The following LDB2 variants were observed in gnomAD, a reference collection of about 807,000 sequenced individuals.
LDB2 encodes LIM domain binding 2, also known as LIM domain-binding protein 2.
In LDB2, 12 loss-of-function variants were observed where a neutral mutation model predicts 44.3. That is an observed-to-expected ratio of 0.27 (90% CI 0.17 to 0.44). LDB2 has a LOEUF of 0.44. Ranked by LOEUF, LDB2 falls within the 20% of genes least tolerant of loss-of-function variation. The pLI is 1.00. For missense variants in LDB2, 344 were observed against 473.5 expected, an observed-to-expected ratio of 0.73 and a Z score of 2.54; for synonymous variants, 164 against 174.8, an observed-to-expected ratio of 0.94 and a Z score of 0.49.
Position 16,812,631 on chromosome 4 carries a change from A to ATGTGTGTGTGTGTG in LDB2, c.133-53385_133-53372dup, listed in dbSNP as rs5856389. On this transcript the variant is annotated intron_variant, in intron 1 of 7. Coordinates refer to ENST00000304523, the MANE Select transcript of LDB2 (RefSeq NM_001290.5). The stretch of plus-strand genomic sequence containing the variant: ...ATATATATATCTGTGTATTAAATAT[A>ATGTGTGTGTGTGTG]TGTGTGTGTGTGTGTGTGTGTGTGT... 6.3e-3 allele frequency among the ~76,000 whole-genome samples: 795 copies of ATGTGTGTGTGTGTG among 126,014 alleles called. 8 individuals carry two copies. Among genetic ancestry groups the ATGTGTGTGTGTGTG allele is most frequent in the Admixed American group, 9.0e-3 (109 of 12,098 alleles). The allele number at this position is 126,014 out of a possible 152,430, so 82.7% of individuals were successfully genotyped here.
intron 2 of LDB2, among the ~76,000 whole-genome samples, chr4:16,604,541 A>ATG (rs1409828115): frequency 1.3e-5 from 2 of 149,856 alleles, no homozygotes; most frequent in African/African-American, 4.9e-5. Flanking sequence ...ATATATATAT[A>ATG]TGTATAACAG....
At chr4:16,610,736 T>C (rs540221815) in intron 2 of LDB2, among the ~76,000 whole-genome samples, 19 of 151,934 alleles carry the variant, frequency 1.3e-4, no homozygotes, top group Admixed American at 4.6e-4. Flanking sequence ...AACCTACGAT[T>C]GACTGGAGTA....
At chr4:16,833,788 G>A (rs1050303165) in intron 1 of LDB2, among the ~76,000 whole-genome samples, 12 of 151,990 alleles carry the variant, frequency 7.9e-5, no homozygotes, top group Non-Finnish European at 1.5e-4. Context: ...TGATCCACCC[G>A]CTTTAGCTCC....
rs1350193067 is a variant in LDB2 at position 16,567,939 on chromosome 4, GTTATA to G, written c.615+17978_615+17982del. On this transcript the variant is annotated intron_variant, in intron 5 of 7. Transcript: ENST00000304523. ...CAGAGTCATCTGGCAATAAATGGCTGTTATATTCACTATTATAATACTGATTAGGA... is the reference window on the plus strand; with the variant it reads ...CAGAGTCATCTGGCAATAAATGGCTGTTCACTATTATAATACTGATTAGGA... Among the ~76,000 whole-genome samples the G allele has an allele frequency of 5.3e-5, 8 of 152,252 alleles. No homozygotes were observed. In the East Asian group the frequency reaches 1.5e-3, roughly 29 times the overall value.
chr4:16,817,643 G>A (rs1458169135), intron 1 of LDB2, among the ~76,000 whole-genome samples: 1 of 152,164 alleles, frequency 6.6e-6, no homozygotes, highest in Non-Finnish European at 1.5e-5. Context: ...ATTGCATAGT[G>A]CTTTCTATGT....
chr4:16,807,768 C>T (rs913834469), intron 1 of LDB2, among the ~76,000 whole-genome samples: 6 of 152,196 alleles, frequency 3.9e-5, no homozygotes, highest in African/African-American at 1.4e-4. Context: ...TCAACTTTCT[C>T]TAGCCCTAAA....
At chr4:16,755,543 CAGACAGACA>C (rs1766440478) in intron 2 of LDB2, among the ~76,000 whole-genome samples, 1 of 26,668 alleles carries the variant, frequency 3.7e-5, no homozygotes, top group East Asian at 1.0e-3. Context: ...GAGAGAGAGA[CAGACAGACA>C]GAGAGAGAGA....
chr4:16,783,663 T>C lies in LDB2; in HGVS notation c.133-24403A>G, dbSNP rs942149690. On this transcript the variant is annotated intron_variant, in intron 1 of 7. Transcript: ENST00000304523. ...TGGCAGGGATATGAGAAGTAGACTC[T>C]TGTTACATGGTTGTTTTCTTTGCCC... Among the ~76,000 whole-genome samples, 4 of 152,256 alleles carry C rather than the reference T, an allele frequency of 2.6e-5. No homozygotes were observed. The East Asian group carries it at 7.7e-4, about 29-fold the overall frequency.
chr4:16,877,367 T>C (rs1451930656), intron 1 of LDB2, among the ~76,000 whole-genome samples: 2 of 152,188 alleles, frequency 1.3e-5, no homozygotes, highest in East Asian at 3.8e-4. Context: ...TTTCCAGGTG[T>C]CCTTAAATTT....
intron 1 of LDB2, among the ~76,000 whole-genome samples, chr4:16,781,185 A>T (rs1404563683): frequency 6.6e-6 from 1 of 152,190 alleles, no homozygotes; most frequent in Non-Finnish European, 1.5e-5. Context: ...CAGAATAGGG[A>T]TGCCACAGAT....
chr4:16,690,777 A>G (rs534971387), intron 2 of LDB2, among the ~76,000 whole-genome samples: 53 of 152,214 alleles, frequency 3.5e-4, no homozygotes, highest in African/African-American at 1.2e-3. Context: ...GGAAAGAGAC[A>G]AAGTTATGCT....
chr4:16,803,905 C>G (rs1778306271), intron 1 of LDB2, among the ~76,000 whole-genome samples: 1 of 152,176 alleles, frequency 6.6e-6, no homozygotes, highest in South Asian at 2.1e-4. Flanking sequence ...ACTGAAATAG[C>G]TTTCAAATCA....
chr4:16,609,874 G>A (rs1725128686), intron 2 of LDB2, among the ~76,000 whole-genome samples: 1 of 152,186 alleles, frequency 6.6e-6, no homozygotes, highest in African/African-American at 2.4e-5. Flanking sequence ...TCGTTAAATG[G>A]GTCCTGCTAC....
At chr4:16,524,946 T>C (rs1361765806) in intron 5 of LDB2, among the ~76,000 whole-genome samples, 2 of 152,168 alleles carry the variant, frequency 1.3e-5, no homozygotes, top group Non-Finnish European at 2.9e-5. Context: ...ACTAGGTACT[T>C]ACGGTAAGGT....
intron 2 of LDB2, among the ~76,000 whole-genome samples, chr4:16,663,817 C>T (rs1188693072): frequency 1.3e-5 from 2 of 152,292 alleles, no homozygotes; most frequent in East Asian, 3.9e-4. Context: ...CCTTCCAAGA[C>T]TGTCAAGTTG....
At chr4:16,643,194 G>C (rs906693001) in intron 2 of LDB2, among the ~76,000 whole-genome samples, 15 of 145,274 alleles carry the variant, frequency 1.0e-4, no homozygotes, top group African/African-American at 3.2e-4. Flanking sequence ...GGGATGGGGT[G>C]GGGGGGGCAC....
intron 2 of LDB2, among the ~76,000 whole-genome samples, chr4:16,701,946 A>T (rs2152634804): frequency 6.6e-6 from 1 of 152,300 alleles, no homozygotes; most frequent in Non-Finnish European, 1.5e-5. Flanking sequence ...TACTATTGTT[A>T]TTGCTATTAC....
intron 7 of LDB2, among the ~76,000 whole-genome samples, chr4:16,507,545 C>T (rs1311393944): frequency 1.3e-5 from 2 of 152,162 alleles, no homozygotes; most frequent in African/African-American, 2.4e-5. Context: ...GGGGGAAAAA[C>T]GTGGGAAAGA....
chr4:16,885,088 G>A (rs957093363), intron 1 of LDB2, among the ~76,000 whole-genome samples: 7 of 151,168 alleles, frequency 4.6e-5, no homozygotes, highest in Non-Finnish European at 1.0e-4. Context: ...AGTGATCTGA[G>A]GCGGGAGGAT....
Sources: gnomAD v4.1 joint callset for allele counts (sites outside exome capture counted in the v4.1 genomes callset) on GRCh38, gnomAD v4.1.1 for gene constraint, MANE v1.5 for transcripts, NCBI Gene and HGNC (gene_info 2026-07-23, HGNC 2026-07-21) for gene names.